The following VRTN variants were observed in gnomAD, a reference collection of about 807,000 sequenced individuals.
VRTN encodes the protein vertnin.
Under a neutral mutation model 18.2 loss-of-function variants are expected in VRTN, and 5 were observed. The ratio of observed to expected loss-of-function variants is 0.27; its 90% CI spans 0.14 to 0.58. The LOEUF (loss-of-function observed/expected upper bound fraction) is 0.58. Ranked by LOEUF, VRTN falls within the 20% of genes least tolerant of loss-of-function variation. VRTN has a pLI of 0.91. For missense variants in VRTN, 741 were observed against 939.4 expected (o/e 0.79, Z 2.76); for synonymous variants, 381 against 393.7 (o/e 0.97, Z 0.38).
rs2085488905 is a variant in VRTN at position 74,326,577 on chromosome 14, TG to T, written c.-163-11144del. ...TTCCCTCCCTCCTTCTCGCACCTGC[TG>T]GCAGCGGGGGCTCCAATGAATGGAC... On this transcript the variant is annotated intron_variant, in intron 1 of 2. Transcript: ENST00000557177. Among the ~76,000 whole-genome samples the T allele has an allele frequency of 2.6e-5, 4 of 152,164 alleles. No homozygotes were observed. The South Asian group carries it at 8.3e-4, about 31-fold the overall frequency.
chr14:74,342,979 T>C (rs2085618134), intron 2 of VRTN, among the ~76,000 whole-genome samples: 1 of 152,124 alleles, frequency 6.6e-6, no homozygotes, highest in African/African-American at 2.4e-5. Flanking sequence ...AAATTAAAAC[T>C]ATACTGAGAA....
chr14:74,321,505 CTTT>C (rs564056249), intron 1 of VRTN, among the ~76,000 whole-genome samples: 3 of 129,120 alleles, frequency 2.3e-5, no homozygotes, highest in Non-Finnish European at 3.3e-5. Flanking sequence ...CTTTCATTTG[CTTT>C]TTTTTTTTTT....
At chr14:74,355,088 G>A (rs1404883852) in intron 1 of VRTN, among the ~76,000 whole-genome samples, 3 of 146,966 alleles carry the variant, frequency 2.0e-5, no homozygotes, top group Non-Finnish European at 4.4e-5. Flanking sequence ...GTTGCAGCCA[G>A]TTGAGATTGC....
At chr14:74,331,590 A>ATATATATATATATATATAT (rs2085526348) in intron 1 of VRTN, among the ~76,000 whole-genome samples, 1 of 128,282 alleles carries the variant, frequency 7.8e-6, no homozygotes, top group Non-Finnish European at 1.7e-5. Flanking sequence ...ATATATATAT[A>ATATATATATATATATATAT]CAAAAAAGAA....
At chr14:74,355,833 CT>C (rs75088178) in intron 1 of VRTN, among the ~76,000 whole-genome samples, 3,210 of 145,038 alleles carry the variant, frequency 0.022, 52 homozygotes, top group African/African-American at 0.031. Flanking sequence ...TGGCCTCTCT[CT>C]TTTTTTTTTT....
chr14:74,309,712 A>G (rs2085375920), intron 1 of VRTN, among the ~76,000 whole-genome samples: 1 of 152,138 alleles, frequency 6.6e-6, no homozygotes, highest in African/African-American at 2.4e-5. Flanking sequence ...GTAAATAAAT[A>G]AAATTTTAAA....
intron 2 of VRTN, among the ~76,000 whole-genome samples, chr14:74,340,980 G>A (rs1458833117): frequency 6.6e-6 from 1 of 152,094 alleles, no homozygotes; most frequent in Non-Finnish European, 1.5e-5. Context: ...CTGACCCTGT[G>A]ATCCGCCTGC....
chr14:74,310,870 G>T (rs547077958), intron 1 of VRTN, among the ~76,000 whole-genome samples: 1 of 151,040 alleles, frequency 6.6e-6, no homozygotes, highest in Admixed American at 6.6e-5. Flanking sequence ...AAAAAATTTG[G>T]GGGGGTAAAG....
intron 1 of VRTN, among the ~76,000 whole-genome samples, chr14:74,352,000 T>C (rs940353469): frequency 1.4e-5 from 2 of 147,914 alleles, no homozygotes; most frequent in Admixed American, 1.3e-4. Context: ...CGGGCCACCA[T>C]GCCCAGCTAA....
chr14:74,326,797 T>C (rs2085490912), intron 1 of VRTN, among the ~76,000 whole-genome samples: 1 of 3,006 alleles, frequency 3.3e-4, no homozygotes, highest in Non-Finnish European at 5.9e-4. Flanking sequence ...CTCTCCCCAC[T>C]CATGGCCACG....
intron 1 of VRTN, among the ~76,000 whole-genome samples, chr14:74,355,193 G>A (rs2108759): frequency 0.92 from 138,353 of 150,778 alleles, 63,667 homozygotes; most frequent in East Asian, 1. Flanking sequence ...GAAAAATTGA[G>A]ATTTTCAGAT....
chr14:74,345,074 G>T (rs2085634913), upstream of VRTN, among the ~76,000 whole-genome samples: 1 of 151,992 alleles, frequency 6.6e-6, no homozygotes, highest in South Asian at 2.1e-4. Flanking sequence ...TTGAGACAAG[G>T]TCTTGCTCTG....
At chr14:74,340,206 A>ACC (rs2085593231) in intron 2 of VRTN, among the ~76,000 whole-genome samples, 1 of 146,478 alleles carries the variant, frequency 6.8e-6, no homozygotes, top group Non-Finnish European at 1.5e-5. Flanking sequence ...TCCGCCTCCC[A>ACC]GGTTCAAGCG....
At chr14:74,308,909 A>G (rs2085371666) in intron 1 of VRTN, among the ~76,000 whole-genome samples, 2 of 139,990 alleles carry the variant, frequency 1.4e-5, no homozygotes, top group Admixed American at 1.4e-4. Flanking sequence ...GTTGCCCAGG[A>G]TGGAATGCAG....
rs751668881 is a variant in VRTN at position 74,358,467 on chromosome 14, G to T, written c.1684G>T (p.Val562Phe). Residue 562 changes from valine (V) to phenylalanine (F), a missense_variant, in exon 2 of 2, where the codon GTC becomes TTC. Coordinates refer to ENST00000256362, the MANE Select transcript of VRTN (RefSeq NM_018228.3). This position sits in a 1 kb window ranked among gnomAD's most constrained non-coding sequence, Gnocchi z 5.4. ...PRGLSKLQVP[V>F]PTLGKGGQEA... ...AGGCCTGTCCAAACTTCAGGTGCCG[G>T]TCCCCACCTTGGGCAAAGGGGGGCA... 6.2e-7 allele frequency: 1 copy of T among 1,614,096 alleles called. No homozygotes were observed. Among genetic ancestry groups the T allele is most frequent in the Non-Finnish European group, 8.5e-7 (1 of 1,180,042 alleles).
chr14:74,358,052 C>T lies in VRTN; in HGVS notation c.1269C>T (p.Cys423=), dbSNP rs1159859933. Reference sequence around the variant, plus strand: ...TGAACACACTGGTACCCTATCGCTGCTTCAAACGCAGGTTCCCTGGCATCT... The same window carrying T: ...TGAACACACTGGTACCCTATCGCTGTTTCAAACGCAGGTTCCCTGGCATCT... ...ISLNTLVPYR[C]FKRRFPGISR... Residue 423 remains cysteine, a synonymous_variant, in exon 2 of 2, where the codon TGC becomes TGT. Coordinates refer to ENST00000256362, the MANE Select transcript of VRTN (RefSeq NM_018228.3). This position sits in a 1 kb window ranked among gnomAD's most constrained non-coding sequence, Gnocchi z 5.4. 4.3e-6 allele frequency: 7 copies of T among 1,614,138 alleles called. No homozygotes were observed. Among genetic ancestry groups the T allele is most frequent in the African/African-American group, 1.3e-5 (1 of 74,946 alleles).
At chr14:74,355,012 T>C (rs2085715081) in intron 1 of VRTN, among the ~76,000 whole-genome samples, 1 of 151,720 alleles carries the variant, frequency 6.6e-6, no homozygotes, top group African/African-American at 2.4e-5. Context: ...CATGGTGGCA[T>C]GCGCCTGTAA....
chr14:74,341,023 T>C (rs2085602118), intron 2 of VRTN, among the ~76,000 whole-genome samples: 2 of 152,200 alleles, frequency 1.3e-5, no homozygotes, highest in Non-Finnish European at 2.9e-5. Flanking sequence ...ATTACAGGTG[T>C]GAGCCACCGT....
chr14:74,337,838 G>C, exon 2 of VRTN: 1 of 152,168 alleles, frequency 6.6e-6, no homozygotes, highest in Non-Finnish European at 1.5e-5. Flanking sequence ...CCCATCCCAG[G>C]TACCTGGGCT....
Sources: gnomAD v4.1 joint callset for allele counts (sites outside exome capture counted in the v4.1 genomes callset) on GRCh38, gnomAD v4.1.1 for gene constraint, Gnocchi (gnomAD v3.1) non-coding constraint, MANE v1.5 for transcripts, NCBI Gene and HGNC (gene_info 2026-07-23, HGNC 2026-07-21) for gene names.